PLCL1: variants seen among roughly 807,000 people sequenced by gnomAD.
PLCL1 encodes phospholipase C like 1 (inactive).
A neutral mutation model predicts 84.4 loss-of-function variants in PLCL1; 41 were observed. The observed-to-expected ratio is 0.49, with a 90% confidence interval of 0.38 to 0.63. The LOEUF (loss-of-function observed/expected upper bound fraction) is 0.63. PLCL1 is among the 30% of genes least tolerant of loss of function. The pLI is 0.00. For synonymous variants in PLCL1, 490 were observed against 488.3 expected, an observed-to-expected ratio of 1.00 and a Z score of -0.05; for missense variants, 1,206 against 1,367.8, an observed-to-expected ratio of 0.88 and a Z score of 1.87.
At chr2:197,938,442 G>C (rs1465319616) in intron 1 of PLCL1, among the ~76,000 whole-genome samples, 4 of 152,170 alleles carry the variant, frequency 2.6e-5, no homozygotes, top group African/African-American at 4.8e-5. Flanking sequence ...AAGCTTTGCT[G>C]CTGTGATGTA....
intron 1 of PLCL1, among the ~76,000 whole-genome samples, chr2:197,858,864 A>C (rs748112195): frequency 6.6e-6 from 1 of 152,058 alleles, no homozygotes; most frequent in Admixed American, 6.6e-5. Flanking sequence ...GTTGGCAGAG[A>C]GTAGGTGATC....
At chr2:197,983,190 C>CTTTTTTTTTTTTTTTTTTTTTT in intron 1 of PLCL1, among the ~76,000 whole-genome samples, 1 of 66,068 alleles carries the variant, frequency 1.5e-5, no homozygotes, top group Non-Finnish European at 3.3e-5. Flanking sequence ...TTTTCTTTTT[C>CTTTTTTTTTTTTTTTTTTTTTT]TTTTCTTTTC....
At chr2:198,131,686 T>G (rs552486771) in intron 5 of PLCL1, among the ~76,000 whole-genome samples, 1 of 152,274 alleles carries the variant, frequency 6.6e-6, no homozygotes, top group South Asian at 2.1e-4. Flanking sequence ...CTGATTCTGG[T>G]TTTCTCTGCA....
intron 1 of PLCL1, among the ~76,000 whole-genome samples, chr2:197,866,503 A>C (rs936540500): frequency 1.3e-5 from 2 of 151,998 alleles, no homozygotes; most frequent in Admixed American, 6.6e-5. Flanking sequence ...GACCTTTCAC[A>C]TTTCTCTTGT....
At chr2:198,020,498 ATG>A (rs1691106317) in intron 1 of PLCL1, among the ~76,000 whole-genome samples, 1 of 152,096 alleles carries the variant, frequency 6.6e-6, no homozygotes, top group Admixed American at 6.6e-5. Context: ...GACCCATCTC[ATG>A]TGCAAAGACA....
intron 5 of PLCL1, among the ~76,000 whole-genome samples, chr2:198,122,018 C>G (rs954837311): frequency 6.6e-6 from 1 of 152,024 alleles, no homozygotes; most frequent in Non-Finnish European, 1.5e-5. Context: ...GTACAGGCAT[C>G]CATATACATA....
chr2:198,096,224 T>C (rs1341374329), intron 3 of PLCL1, among the ~76,000 whole-genome samples: 2 of 152,176 alleles, frequency 1.3e-5, no homozygotes. Context: ...CCACATGGTA[T>C]TTTATGTCCT....
intron 1 of PLCL1, among the ~76,000 whole-genome samples, chr2:197,960,501 AC>A (rs1689590524): frequency 6.6e-6 from 1 of 152,122 alleles, no homozygotes. Context: ...GAGTAGCAAC[AC>A]ATGGCTTAAA....
At chr2:198,015,409 C>T (rs575157228) in intron 1 of PLCL1, among the ~76,000 whole-genome samples, 20 of 152,172 alleles carry the variant, frequency 1.3e-4, no homozygotes, top group South Asian at 2.1e-4. Flanking sequence ...TTTGTTTTTA[C>T]GATTTAAAGT....
intron 1 of PLCL1, among the ~76,000 whole-genome samples, chr2:197,941,383 C>T (rs1689155343): frequency 6.6e-6 from 1 of 152,028 alleles, no homozygotes; most frequent in Non-Finnish European, 1.5e-5. Flanking sequence ...CTTTGACCTC[C>T]CAGGCTTGAG....
At chr2:197,890,944 C>G (rs1688015658) in intron 1 of PLCL1, among the ~76,000 whole-genome samples, 1 of 150,322 alleles carries the variant, frequency 6.7e-6, no homozygotes, top group African/African-American at 2.5e-5. Context: ...AATAAATAAT[C>G]AATGTCATTT....
At chr2:197,884,419 T>C (rs1263788318) in intron 1 of PLCL1, among the ~76,000 whole-genome samples, 1 of 152,242 alleles carries the variant, frequency 6.6e-6, no homozygotes, top group Non-Finnish European at 1.5e-5. Flanking sequence ...TTGTTTCTTA[T>C]TGGCTAGAAT....
intron 1 of PLCL1, among the ~76,000 whole-genome samples, chr2:198,047,328 T>G (rs888017588): frequency 7.2e-5 from 11 of 152,048 alleles, no homozygotes; most frequent in African/African-American, 2.7e-4. Context: ...GGACTACAGG[T>G]GCACGCCACC....
Position 198,147,046 on chromosome 2 carries a change from A to G in PLCL1, c.*84A>G. The G allele has an allele frequency of 8.4e-7, 1 of 1,192,950 alleles. No homozygotes were observed. Among genetic ancestry groups the G allele is most frequent in the Non-Finnish European group, 1.2e-6 (1 of 867,256 alleles). The allele number at this position is 1,192,950 out of a possible 1,614,324, so 73.9% of individuals were successfully genotyped here. ...GTTTTCTTTCTTTAAATGTTTTATA[A>G]GTTCACAAAATGGTGCCCTATATGG... On this transcript the variant is annotated 3_prime_UTR_variant, in exon 6 of 6. Coordinates refer to ENST00000428675, the MANE Select transcript of PLCL1 (RefSeq NM_006226.4).
In PLCL1 at chr2:198,085,004, C is replaced by G. The variant is rs770470677; in HGVS notation, c.1487C>G (p.Ser496Cys). The change falls in exon 2 of 6, where the codon TCC becomes TGC. Residue 496 changes from serine (S) to cysteine (C), a missense_variant. Transcript: ENST00000428675. This position sits in a 1 kb window ranked among gnomAD's most constrained non-coding sequence, Gnocchi z 5.3. The stretch of plus-strand genomic sequence containing the variant: ...ATTCTTTGCTTGGGAAATCACTGCT[C>G]CTTGCCGCAGCAGAAGGTAATGGCT... ...PLILCLGNHC[S>C]LPQQKVMAQQ... 6.2e-7 allele frequency: 1 copy of G among 1,614,016 alleles called. No homozygotes were observed. Among genetic ancestry groups the G allele is most frequent in the Non-Finnish European group, 8.5e-7 (1 of 1,180,000 alleles).
intron 1 of PLCL1, among the ~76,000 whole-genome samples, chr2:197,946,809 G>A (rs1689283717): frequency 6.6e-6 from 1 of 152,120 alleles, no homozygotes. Flanking sequence ...ATTCATATGA[G>A]CCAAGCATGT....
chr2:197,896,214 G>A (rs1227007331), intron 1 of PLCL1, among the ~76,000 whole-genome samples: 1 of 151,890 alleles, frequency 6.6e-6, no homozygotes, highest in Non-Finnish European at 1.5e-5. Context: ...TTGTTGTATA[G>A]ATTATTCTAT....
At chr2:198,145,990 A>G (rs1694507469) in intron 5 of PLCL1, among the ~76,000 whole-genome samples, 1 of 151,974 alleles carries the variant, frequency 6.6e-6, no homozygotes, top group African/African-American at 2.4e-5. Context: ...GCTTCCCCAC[A>G]CTCAGTCATT....
At position 197,805,241 on chromosome 2, in the gene PLCL1, G is replaced by C. The variant is rs1194363387; in HGVS notation, c.142G>C (p.Gly48Arg). The stretch of plus-strand genomic sequence containing the variant: ...GGGCCGGATGAGGGACCGTCGCAGC[G>C]GGGTCGCACTGCCAGGCGCCGCGGG... ...SGGRMRDRRS[G>R]VALPGAAGTP... Residue 48 changes from glycine to arginine, a missense_variant, in exon 1 of 6, where the codon GGG becomes CGG. Physicochemically the swap from Gly to Arg is moderately radical, Grantham distance 125. Transcript: ENST00000428675. The surrounding 1 kb of genome is among the most constrained non-coding windows in gnomAD (Gnocchi z 4.0). The C allele has an allele frequency of 4.7e-6, 6 of 1,268,684 alleles. No individual in the cohort carries two copies. The highest frequency in any genetic ancestry group is 5.9e-6 in the Non-Finnish European group (6 of 1,008,906). 78.6% of individuals were successfully genotyped at this position (1,268,684 alleles called of 1,614,324 possible). A position where few individuals can be genotyped will look rare whatever the true frequency, so the allele number is the denominator to read the frequency against.
Sources: allele counts gnomAD v4.1 joint callset (sites outside exome capture counted in the v4.1 genomes callset), GRCh38; gene constraint gnomAD v4.1.1; non-coding constraint Gnocchi (gnomAD v3.1); transcripts MANE v1.5; gene names NCBI Gene and HGNC (gene_info 2026-07-23, HGNC 2026-07-21).